The following SIPA1L3 variants were observed in gnomAD, a reference collection of about 807,000 sequenced individuals.
The protein encoded by SIPA1L3 is signal-induced proliferation-associated 1-like protein 3.
SIPA1L3 carries 59 observed loss-of-function variants against 150.1 expected under a neutral mutation model. The ratio of observed to expected loss-of-function variants is 0.39; its 90% CI spans 0.32 to 0.49. The LOEUF is 0.49. SIPA1L3 is among the 20% of genes least tolerant of loss of function. The pLI, the probability that SIPA1L3 is intolerant of heterozygous loss-of-function variation, is 0.86. For synonymous variants in SIPA1L3, 1,070 were observed against 1,077.6 expected, an observed-to-expected ratio of 0.99 and a Z score of 0.14; for missense variants, 2,211 against 2,489.5, an observed-to-expected ratio of 0.89 and a Z score of 2.38.
chr19:38,142,474 T>TGTCCGTCTGTCCATCCATCTGTCTGTCC, intron 11 of SIPA1L3, 99 bp from the exon 12 acceptor site: 1 of 1,361,756 alleles, frequency 7.3e-7, no homozygotes, highest in Non-Finnish European at 1.0e-6. Flanking sequence ...TCTGTCTGTC[T>TGTCCGTCTGTCCATCCATCTGTCTGTCC]GTCCGTCTGT....
intron 1 of SIPA1L3, among the ~76,000 whole-genome samples, chr19:37,946,425 C>G (rs945608147): frequency 2.0e-5 from 3 of 152,156 alleles, no homozygotes; most frequent in African/African-American, 7.2e-5. Context: ...CAGCCACCAT[C>G]CATGGCCCAG....
At chr19:38,187,842 C>T (rs1483936653) in intron 16 of SIPA1L3, among the ~76,000 whole-genome samples, 1 of 149,212 alleles carries the variant, frequency 6.7e-6, no homozygotes. Flanking sequence ...TACGAAAATA[C>T]AAAAATTAGC....
rs981745513 is a variant in SIPA1L3, at chr19:38,002,601, C to T, written c.-378-26488C>T. Among the ~76,000 whole-genome samples, 6 of 150,588 alleles carry T rather than the reference C, an allele frequency of 4.0e-5. No individual in the cohort carries two copies. The South Asian group carries it at 1.1e-3, about 26-fold the overall frequency. ...TACAAAAATTAGCTGGGAGTGGTGGCGTGCGCCTGTAATCCCAGGAGGCAG... is the reference window on the plus strand; with the variant it reads ...TACAAAAATTAGCTGGGAGTGGTGGTGTGCGCCTGTAATCCCAGGAGGCAG... On this transcript the variant is annotated intron_variant, in intron 1 of 21. Transcript: ENST00000222345.
intron 9 of SIPA1L3, among the ~76,000 whole-genome samples, chr19:38,123,744 A>G (rs1388200417): frequency 6.6e-6 from 1 of 151,906 alleles, no homozygotes; most frequent in Non-Finnish European, 1.5e-5. Context: ...CAAAACCGCC[A>G]TTGTCATCAT....
At position 38,164,867 on chromosome 19, in the gene SIPA1L3, G is replaced by T. The variant is rs1383735556; in HGVS notation, c.4169G>T (p.Gly1390Val). 1.3e-6 allele frequency: 2 copies of T among 1,573,870 alleles called. No individual in the cohort carries two copies. Among genetic ancestry groups the T allele is most frequent in the Non-Finnish European group, 1.7e-6 (2 of 1,157,202 alleles). Residue 1390 changes from glycine (G) to valine (V), a missense_variant, in exon 15 of 22, where the codon GGA becomes GTA. Coordinates refer to ENST00000222345, the MANE Select transcript of SIPA1L3 (RefSeq NM_015073.3). This position sits in a 1 kb window ranked among gnomAD's most constrained non-coding sequence, Gnocchi z 4.1. Reference sequence around the variant, plus strand: ...TCCTCCGGCTCCAGCACCCCCACGGGACTGGCGGGGGGCAGCCGAGACCCA... The same window carrying T: ...TCCTCCGGCTCCAGCACCCCCACGGTACTGGCGGGGGGCAGCCGAGACCCA... ...LYSSGSSTPT[G>V]LAGGSRDPPR...
chr19:38,032,990 GA>G (rs1968687345), intron 2 of SIPA1L3, among the ~76,000 whole-genome samples: 1 of 152,248 alleles, frequency 6.6e-6, no homozygotes, highest in African/African-American at 2.4e-5. Flanking sequence ...GGTGGCCAAG[GA>G]AGGCCTCTCT....
In SIPA1L3 at chr19:38,078,729, A is replaced by C. The variant is rs542768521; in HGVS notation, c.-310-2527A>C. 2.4e-3 allele frequency among the ~76,000 whole-genome samples: 368 copies of C among 152,316 alleles called. 1 individual carries two copies. The highest frequency in any genetic ancestry group is 8.3e-3 in the African/African-American group (345 of 41,578). ...AAAGAAAAGTTAGAGGTCACCTTGA[A>C]CCAAGTGCGTGGCCCAAAGCAGCAC... On this transcript the variant is annotated intron_variant, in intron 2 of 21. Transcript: ENST00000222345.
intron 2 of SIPA1L3, among the ~76,000 whole-genome samples, chr19:38,063,355 C>G (rs1217428313): frequency 6.6e-6 from 1 of 152,182 alleles, no homozygotes; most frequent in Non-Finnish European, 1.5e-5. Context: ...CCACTGCCGC[C>G]CCCCATCCCC....
At chr19:38,154,517 G>A (rs1971898182) in intron 13 of SIPA1L3, among the ~76,000 whole-genome samples, 2 of 151,926 alleles carry the variant, frequency 1.3e-5, no homozygotes, top group South Asian at 2.1e-4. Flanking sequence ...GCACAATCTC[G>A]GCTCACCGCA....
intron 1 of SIPA1L3, among the ~76,000 whole-genome samples, chr19:37,950,139 T>C (rs1281422194): frequency 6.6e-6 from 1 of 150,568 alleles, no homozygotes; most frequent in Non-Finnish European, 1.5e-5. Flanking sequence ...GCTCTGCCAC[T>C]TGCTAGCTGT....
chr19:38,053,667 C>T (rs1009494597), intron 2 of SIPA1L3, among the ~76,000 whole-genome samples: 36 of 152,194 alleles, frequency 2.4e-4, no homozygotes, highest in African/African-American at 7.7e-4. Context: ...AGCGATCCTC[C>T]CACCTCAGCC....
rs1973227527 is a variant in SIPA1L3 at position 38,206,784 on chromosome 19, C to T, written c.*544C>T. On this transcript the variant is annotated 3_prime_UTR_variant, in exon 22 of 22. Coordinates refer to ENST00000222345, the MANE Select transcript of SIPA1L3 (RefSeq NM_015073.3). ...GCCTCGGTCCCTAGCACGTGAGCTC[C>T]AAAAAGCACGAACATGATCCCCTCC... 1 of 152,804 alleles carries T rather than the reference C, an allele frequency of 6.5e-6. No individual in the cohort carries two copies. The allele number at this position is 152,804 out of a possible 1,614,324, so 9.5% of individuals were successfully genotyped here.
At chr19:38,023,333 C>T (rs185374829) in intron 1 of SIPA1L3, among the ~76,000 whole-genome samples, 74 of 152,250 alleles carry the variant, frequency 4.9e-4, no homozygotes, top group African/African-American at 1.4e-3. Flanking sequence ...GTTTGTAGAC[C>T]GCATCAATCC....
intron 15 of SIPA1L3, among the ~76,000 whole-genome samples, chr19:38,165,908 G>T (rs1157837867): frequency 6.6e-6 from 1 of 152,132 alleles, no homozygotes; most frequent in African/African-American, 2.4e-5. Context: ...GATTACAGGT[G>T]CCCACCACCA....
intron 2 of SIPA1L3, among the ~76,000 whole-genome samples, chr19:38,067,379 G>A (rs569613256): frequency 3.3e-5 from 5 of 152,310 alleles, no homozygotes; most frequent in South Asian, 2.1e-4. Context: ...ACAGCTGGAC[G>A]TGGCCTCCCT....
chr19:37,985,987 C>T (rs1391717881), intron 1 of SIPA1L3, among the ~76,000 whole-genome samples: 1 of 152,244 alleles, frequency 6.6e-6, no homozygotes, highest in Non-Finnish European at 1.5e-5. Context: ...CGCTTTGTGC[C>T]TGAAGCCCAC....
intron 1 of SIPA1L3, among the ~76,000 whole-genome samples, chr19:37,934,670 A>C (rs1599811413): frequency 8.3e-6 from 1 of 120,294 alleles, no homozygotes; most frequent in Non-Finnish European, 1.7e-5. Flanking sequence ...CCCACCCCCG[A>C]CCCTGGTTCC....
intron 1 of SIPA1L3, among the ~76,000 whole-genome samples, chr19:38,004,945 G>A (rs1325702184): frequency 1.3e-5 from 2 of 152,286 alleles, no homozygotes; most frequent in East Asian, 3.9e-4. Flanking sequence ...AGCAATACAC[G>A]TTTCAGTACA....
At chr19:38,053,155 G>A (rs1568522246) in intron 2 of SIPA1L3, among the ~76,000 whole-genome samples, 1 of 152,194 alleles carries the variant, frequency 6.6e-6, no homozygotes, top group Non-Finnish European at 1.5e-5. Flanking sequence ...GGGAGCCCAG[G>A]GGAGATGGAA....
Sources: allele counts gnomAD v4.1 joint callset (sites outside exome capture counted in the v4.1 genomes callset), GRCh38; gene constraint gnomAD v4.1.1; non-coding constraint Gnocchi (gnomAD v3.1); transcripts MANE v1.5; gene names NCBI Gene and HGNC (gene_info 2026-07-23, HGNC 2026-07-21).